AGMO: variants seen among roughly 807,000 people sequenced by gnomAD.
AGMO encodes the protein alkylglycerol monooxygenase.
A neutral mutation model predicts 60.2 loss-of-function variants in AGMO; 75 were observed. That is an observed-to-expected ratio of 1.25 (90% CI 1.03 to 1.51). The LOEUF is 1.51. AGMO is among the 40% of genes most tolerant of loss of function. The pLI is 0.00. For synonymous variants in AGMO, 261 were observed against 177.1 expected (o/e 1.47, Z -3.76); for missense variants, 763 against 525.5 (o/e 1.45, Z -4.42).
chr7:15,358,173 GTTC>G (rs1228133041), intron 12 of AGMO: 6 of 187,444 alleles, frequency 3.2e-5, no homozygotes, highest in Non-Finnish European at 5.6e-5. Flanking sequence ...ATTACAACGT[GTTC>G]TTCTGAAGTT....
chr7:15,561,797 G>A lies in AGMO; in HGVS notation c.49C>T (p.Arg17Cys), dbSNP rs201065025. Residue 17 changes from arginine to cysteine, a missense_variant, in exon 1 of 13, where the codon CGC (arginine) becomes TGC (cysteine). Arg to Cys is a radical substitution (Grantham distance 180). Coordinates refer to ENST00000342526, the MANE Select transcript of AGMO (RefSeq NM_001004320.2). ...QQDVSVSQGF[R>C]MLFYTMKPSE... The stretch of plus-strand genomic sequence containing the variant: ...GGTTTCATCGTGTAAAACAACATGC[G>A]AAATCCCTGGGAAACTGAAACATCC... The A allele has an allele frequency of 9.1e-5, 146 of 1,610,596 alleles. No individual in the cohort carries two copies. The highest frequency in any genetic ancestry group is 1.7e-4 in the Middle Eastern group (1 of 6,046).
intron 3 of AGMO, among the ~76,000 whole-genome samples, chr7:15,543,421 G>A (rs985524837): frequency 3.9e-5 from 6 of 152,106 alleles, no homozygotes; most frequent in African/African-American, 1.4e-4. Context: ...CAAATTCAGT[G>A]AACCAGTGCA....
chr7:15,382,734 T>C (rs115759620), intron 10 of AGMO, among the ~76,000 whole-genome samples: 1,650 of 152,204 alleles, frequency 0.011, 18 homozygotes, highest in African/African-American at 0.028. Context: ...CTTGCCATAT[T>C]CCGGACAAAT....
the AGMO span, among the ~76,000 whole-genome samples, chr7:15,168,996 T>C: frequency 6.6e-6 from 1 of 152,186 alleles, no homozygotes; most frequent in African/African-American, 2.4e-5. Flanking sequence ...TTCAGAGGCT[T>C]CTGGGAGAGT....
intron 12 of AGMO, among the ~76,000 whole-genome samples, chr7:15,328,862 C>T (rs996929290): frequency 6.6e-6 from 1 of 152,074 alleles, no homozygotes; most frequent in African/African-American, 2.4e-5. Context: ...TCATCCCTTT[C>T]CAACCACAAT....
chr7:15,560,501 T>G (rs932013317), intron 1 of AGMO, among the ~76,000 whole-genome samples: 5 of 152,104 alleles, frequency 3.3e-5, no homozygotes, highest in African/African-American at 1.2e-4. Context: ...GAATATGAAA[T>G]GTAATCATAG....
the AGMO span, among the ~76,000 whole-genome samples, chr7:15,182,273 G>A: frequency 2.6e-5 from 4 of 152,116 alleles, no homozygotes; most frequent in South Asian, 8.3e-4. Context: ...TCTGCAGATA[G>A]ACAGTGCTAA....
intron 3 of AGMO, among the ~76,000 whole-genome samples, chr7:15,468,695 TA>T (rs962658867): frequency 6.6e-6 from 1 of 152,108 alleles, no homozygotes; most frequent in African/African-American, 2.4e-5. Context: ...AAATGTTATA[TA>T]AATACATATG....
At chr7:15,479,801 G>T in intron 3 of AGMO, among the ~76,000 whole-genome samples, 1 of 152,218 alleles carries the variant, frequency 6.6e-6, no homozygotes, top group East Asian at 1.9e-4. Context: ...CCTTAGTAAA[G>T]GAGACAGGCA....
chr7:15,142,494 T>C, the AGMO span, among the ~76,000 whole-genome samples: 5 of 152,222 alleles, frequency 3.3e-5, no homozygotes, highest in Non-Finnish European at 5.9e-5. Flanking sequence ...ATGTTTATTA[T>C]TCAGCCTCCA....
At chr7:15,237,726 A>G (rs2128501691) in intron 12 of AGMO, among the ~76,000 whole-genome samples, 1 of 152,192 alleles carries the variant, frequency 6.6e-6, no homozygotes, top group South Asian at 2.1e-4. Context: ...ACTGACCAAC[A>G]CAGTCTTAAC....
At chr7:15,486,046 T>C (rs1782912531) in intron 3 of AGMO, among the ~76,000 whole-genome samples, 1 of 152,198 alleles carries the variant, frequency 6.6e-6, no homozygotes, top group African/African-American at 2.4e-5. Flanking sequence ...ATTAGAATAG[T>C]GTGATTGCAA....
At chr7:15,315,328 C>CCTTTTTTTTTTTTTTTTTTTTTTTTTT (rs1780888580) in intron 12 of AGMO, among the ~76,000 whole-genome samples, 1 of 48,182 alleles carries the variant, frequency 2.1e-5, no homozygotes, top group Admixed American at 3.5e-4. Context: ...TGGATATTTG[C>CCTTTTTTTTTTTTTTTTTTTTTTTTTT]TTTTTTTTTT....
chr7:15,330,931 G>T (rs1034035683), intron 12 of AGMO, among the ~76,000 whole-genome samples: 1 of 151,984 alleles, frequency 6.6e-6, no homozygotes, highest in Non-Finnish European at 1.5e-5. Context: ...TTGGGACTAG[G>T]TTTGTGTGAC....
At position 15,366,127 on chromosome 7, in the gene AGMO, T is replaced by G. The variant is rs780645718; in HGVS notation, c.1157+13A>C. The G allele has an allele frequency of 6.3e-7, 1 of 1,588,718 alleles. No individual in the cohort carries two copies. Among genetic ancestry groups the G allele is most frequent in the Non-Finnish European group, 8.6e-7 (1 of 1,163,314 alleles). ...AGTAAAAGTAAAAACAATGCAAGAA[T>G]TTCACTTCTTGCCTTTGATCCAGAA... On this transcript the variant is annotated intron_variant, in intron 11 of 12. Transcript: ENST00000342526.
At chr7:15,352,581 G>T (rs1164211237) in intron 12 of AGMO, among the ~76,000 whole-genome samples, 1 of 151,940 alleles carries the variant, frequency 6.6e-6, no homozygotes, top group African/African-American at 2.4e-5. Flanking sequence ...GAAATGCGTG[G>T]CAATTTTACG....
chr7:15,250,465 A>G (rs1782896640), intron 12 of AGMO, among the ~76,000 whole-genome samples: 3 of 152,124 alleles, frequency 2.0e-5, no homozygotes, highest in African/African-American at 4.8e-5. Context: ...ATTATTCTCA[A>G]TATCTGATGC....
chr7:15,426,845 C>T (rs950791308), intron 4 of AGMO, among the ~76,000 whole-genome samples: 2 of 151,896 alleles, frequency 1.3e-5, no homozygotes, highest in African/African-American at 2.4e-5. Context: ...AATAGCAATG[C>T]ATTATGGCAT....
chr7:15,391,923 T>C (rs138242093), intron 6 of AGMO, among the ~76,000 whole-genome samples: 111 of 152,182 alleles, frequency 7.3e-4, no homozygotes, highest in African/African-American at 2.5e-3. Context: ...CAAAGAAATA[T>C]CTGTCCCAAA....
Sources: gnomAD v4.1 joint callset for allele counts (sites outside exome capture counted in the v4.1 genomes callset) on GRCh38, gnomAD v4.1.1 for gene constraint, MANE v1.5 for transcripts, NCBI Gene and HGNC (gene_info 2026-07-23, HGNC 2026-07-21) for gene names.